Variants in PPP1R21 observed in about 807,000 individuals in gnomAD.
The protein encoded by PPP1R21 is KLRAQ motif containing 1.
In PPP1R21, 85 loss-of-function variants were observed where a neutral mutation model predicts 112.8. The ratio of observed to expected loss-of-function variants is 0.75; its 90% confidence interval spans 0.63 to 0.90. The LOEUF (loss-of-function observed/expected upper bound fraction) is 0.90. Among genes scored for constraint, PPP1R21 ranks in the 40% least tolerant of loss-of-function variants. PPP1R21 has a pLI of 0.00. For synonymous variants in PPP1R21, 381 were observed against 322.3 expected (o/e 1.18, Z -1.95); for missense variants, 1,199 against 901.5 (o/e 1.33, Z -4.23).
chr2:48,458,171 G>A lies in PPP1R21; in HGVS notation c.319G>A (p.Val107Ile), dbSNP rs372151805. 3.8e-5 allele frequency: 62 copies of A among 1,612,516 alleles called. No homozygotes were observed. The highest frequency in any genetic ancestry group is 3.8e-5 in the Non-Finnish European group (45 of 1,179,076). The change falls in exon 4 of 22, where the codon GTC becomes ATC. Residue 107 changes from valine to isoleucine, a missense_variant. Physicochemically the swap from Val to Ile is conservative, Grantham distance 29. Coordinates refer to ENST00000294952, the MANE Select transcript of PPP1R21 (RefSeq NM_001135629.3). ...SSQLSQEQKS[V>I]FDEDLQKKIE... ...TCAGTTGAGTCAAGAGCAGAAGAGT[G>A]TCTTTGATGAAGATCTGCAAAAGAA...
At chr2:48,448,471 C>G (rs1667341817) in intron 1 of PPP1R21, among the ~76,000 whole-genome samples, 1 of 152,066 alleles carries the variant, frequency 6.6e-6, no homozygotes, top group Admixed American at 6.6e-5. Context: ...ATTATCAGTT[C>G]AGTGAACTTC....
chr2:48,459,998 C>A lies in PPP1R21; in HGVS notation c.540+80C>A. On this transcript the variant is annotated intron_variant, in intron 5 of 21. Coordinates refer to ENST00000294952, the MANE Select transcript of PPP1R21 (RefSeq NM_001135629.3). ...AATTGTCTATCCACTTAGAGTTAGT[C>A]ATTTCTGGTGAGACTTTTGCCTGCA... 5 of 1,589,964 alleles carry A rather than the reference C, an allele frequency of 3.1e-6. No individual in the cohort carries two copies. In the Middle Eastern group the frequency reaches 6.7e-4, roughly 213 times the overall value.
At chr2:48,454,524 A>G in intron 2 of PPP1R21, 71 bp from the exon 3 acceptor site, 1 of 1,556,038 alleles carries the variant, frequency 6.4e-7, no homozygotes, top group South Asian at 1.2e-5. Context: ...TGAAATAGAA[A>G]TAATTTTTAA....
chr2:48,467,824 CA>C (rs746900652), intron 9 of PPP1R21, among the ~76,000 whole-genome samples: 1 of 152,170 alleles, frequency 6.6e-6, no homozygotes, highest in Non-Finnish European at 1.5e-5. Flanking sequence ...CAATTGAAGC[CA>C]TCTTAGAAGC....
At chr2:48,471,428 C>T (rs1185508712) in intron 11 of PPP1R21, 61 bp downstream of exon 11, 15 of 1,466,456 alleles carry the variant, frequency 1.0e-5, no homozygotes, top group East Asian at 2.3e-5. Context: ...ATCTGGCTGG[C>T]GTTAATAAAA....
At chr2:48,474,470 TTA>T (rs1328102209) in intron 11 of PPP1R21, among the ~76,000 whole-genome samples, 1 of 152,248 alleles carries the variant, frequency 6.6e-6, no homozygotes, top group Non-Finnish European at 1.5e-5. Context: ...CCTTTATCTG[TTA>T]TTCCATTTAG....
At chr2:48,510,196 G>C in intron 20 of PPP1R21, 83 bp downstream of exon 20, 1 of 953,206 alleles carries the variant, frequency 1.0e-6, no homozygotes, top group South Asian at 1.7e-5. Context: ...TTTTCCAAAG[G>C]CATTTGATCT....
rs772505854 is a variant in PPP1R21, at chr2:48,458,047, A to T, written c.274-79A>T. ...CACATAGAAGAGACAAGCTTCTAAG[A>T]TGATAGAGAATCTGTGTACCTTAGG... is the stretch of plus-strand genomic sequence containing the variant. On this transcript the variant is annotated intron_variant, in intron 3 of 21. Transcript: ENST00000294952. 29 of 907,238 alleles carry T rather than the reference A, an allele frequency of 3.2e-5. No individual in the cohort carries two copies. In the African/African-American group the frequency reaches 4.4e-4, roughly 14 times the overall value. The allele number at this position is 907,238 out of a possible 1,614,324, so 56.2% of individuals were successfully genotyped here.
At chr2:48,511,299 C>T (rs765606548) in intron 20 of PPP1R21, 41 bp from the exon 21 acceptor site, 2 of 1,592,750 alleles carry the variant, frequency 1.3e-6, no homozygotes, top group South Asian at 2.3e-5. Context: ...AGTGGTACGA[C>T]TCGTGGGATG....
chr2:48,510,266 CTTATG>C (rs1225667809), intron 20 of PPP1R21, among the ~76,000 whole-genome samples, 153 bp downstream of exon 20: 1 of 152,216 alleles, frequency 6.6e-6, no homozygotes, highest in Non-Finnish European at 1.5e-5. Flanking sequence ...TAACATCTTA[CTTATG>C]TTAGGCAAAA....
At chr2:48,498,122 T>C (rs1051522849) in intron 16 of PPP1R21, among the ~76,000 whole-genome samples, 5 of 152,182 alleles carry the variant, frequency 3.3e-5, no homozygotes, top group African/African-American at 1.2e-4. Context: ...GGTTTTTTTT[T>C]CTTTGCCTTC....
Position 48,498,491 on chromosome 2 carries a change from A to G in PPP1R21, c.1693-2A>G. The G allele has an allele frequency of 2.5e-6, 4 of 1,613,948 alleles. No individual in the cohort carries two copies. The highest frequency in any genetic ancestry group is 3.4e-6 in the Non-Finnish European group (4 of 1,179,874). ...AGATACAACACTCTGTTACTTTTCA[A>G]GGTTCAACAGAGTTTGGAAAAGATT... is the stretch of plus-strand genomic sequence containing the variant. On this transcript the variant is annotated splice_acceptor_variant, in intron 16 of 21. Coordinates refer to ENST00000294952, the MANE Select transcript of PPP1R21 (RefSeq NM_001135629.3). LOFTEE classifies it high-confidence loss of function.
At chr2:48,483,838 T>C (rs1669148426) in intron 13 of PPP1R21, among the ~76,000 whole-genome samples, 1 of 152,118 alleles carries the variant, frequency 6.6e-6, no homozygotes, top group Non-Finnish European at 1.5e-5. Context: ...TATTACTCTT[T>C]CTTATTTTTA....
chr2:48,491,535 G>T (rs574875435), intron 15 of PPP1R21, among the ~76,000 whole-genome samples: 1 of 43,612 alleles, frequency 2.3e-5, no homozygotes, highest in Non-Finnish European at 5.2e-5. Context: ...ATATGCAGTT[G>T]TTGCAAAAAA....
chr2:48,507,455 T>A (rs995389237), intron 19 of PPP1R21, 70 bp downstream of exon 19: 1 of 1,553,790 alleles, frequency 6.4e-7, no homozygotes, highest in Non-Finnish European at 8.6e-7. Context: ...ACTGTCCTGT[T>A]TTCATGCTGT....
intron 18 of PPP1R21, among the ~76,000 whole-genome samples, chr2:48,506,562 A>G (rs1670387739): frequency 6.6e-6 from 1 of 152,192 alleles, no homozygotes; most frequent in Non-Finnish European, 1.5e-5. Context: ...TTTAAACTAA[A>G]CTCAACAGGG....
rs776859680 is a variant in PPP1R21, at chr2:48,454,595, G to T, written c.127G>T (p.Glu43Ter). Residue 43 changes from glutamate (E) to a stop codon, truncating the protein, a stop_gained and splice_region_variant, in exon 3 of 22, where the codon GAG (glutamate) becomes TAG (stop). Coordinates refer to ENST00000294952, the MANE Select transcript of PPP1R21 (RefSeq NM_001135629.3). LOFTEE classifies it high-confidence loss of function. ...DEQANSAALK[E>*]QLKMKDQSLR... Reference sequence around the variant, plus strand: ...CCAATCTGTTTTCACTTTGATATAGGAGCAACTGAAAATGAAGGATCAGTC... The same window carrying T: ...CCAATCTGTTTTCACTTTGATATAGTAGCAACTGAAAATGAAGGATCAGTC... 3.7e-6 allele frequency: 6 copies of T among 1,614,022 alleles called. No individual in the cohort carries two copies. The highest frequency in any genetic ancestry group is 1.1e-5 in the South Asian group (1 of 91,056).
chr2:48,505,531 C>T (rs115134303), intron 17 of PPP1R21, 33 bp from the exon 18 acceptor site: 49,427 of 1,502,994 alleles, frequency 0.033, 1,001 homozygotes, highest in Non-Finnish European at 0.039. Flanking sequence ...TGTACACATT[C>T]TGTTCTAAAA....
intron 14 of PPP1R21, among the ~76,000 whole-genome samples, chr2:48,490,665 T>C (rs1669521478): frequency 6.6e-6 from 1 of 152,202 alleles, no homozygotes. Flanking sequence ...AATCTAGAAA[T>C]CCGAACATGG....
Sources: allele counts gnomAD v4.1 joint callset (sites outside exome capture counted in the v4.1 genomes callset), GRCh38; gene constraint gnomAD v4.1.1; transcripts MANE v1.5; gene names NCBI Gene and HGNC (gene_info 2026-07-23, HGNC 2026-07-21).